AACS: variants seen among roughly 807,000 people sequenced by gnomAD.
AACS encodes acetoacetyl-CoA synthetase, also known as acetoacetate-CoA ligase.
AACS carries 69 observed loss-of-function variants against 83.1 expected under a neutral mutation model. The observed-to-expected ratio is 0.83, with a 90% CI of 0.68 to 1.01. The LOEUF is 1.01. Ranked by LOEUF, AACS falls within the 50% of genes least tolerant of loss-of-function variation. The pLI, the probability that AACS is intolerant of heterozygous loss-of-function variation, is 0.00. For synonymous variants in AACS, 333 were observed against 343.4 expected, an observed-to-expected ratio of 0.97 and a Z score of 0.33; for missense variants, 866 against 882.2, an observed-to-expected ratio of 0.98 and a Z score of 0.23.
At chr12:125,083,024 T>C (rs1161873044) in intron 3 of AACS, among the ~76,000 whole-genome samples, 1 of 152,260 alleles carries the variant, frequency 6.6e-6, no homozygotes, top group East Asian at 1.9e-4. Flanking sequence ...TTCCATGTCA[T>C]AGATTTCCTG....
chr12:125,098,649 A>T (rs1956661397), intron 5 of AACS, among the ~76,000 whole-genome samples: 1 of 152,050 alleles, frequency 6.6e-6, no homozygotes, highest in South Asian at 2.1e-4. Flanking sequence ...ATGGGGTTTC[A>T]CCATGTTGGC....
chr12:125,066,473 C>T (rs1955700610), intron 1 of AACS, among the ~76,000 whole-genome samples: 1 of 119,452 alleles, frequency 8.4e-6, no homozygotes. Context: ...TTTTTTGAGA[C>T]AGTTTCTCTC....
chr12:125,071,721 C>T (rs943951751), intron 1 of AACS, among the ~76,000 whole-genome samples: 5 of 152,140 alleles, frequency 3.3e-5, no homozygotes, highest in South Asian at 2.1e-4. Context: ...CACCTGAAGT[C>T]GGCCGCTTTT....
rs1035125715 is a variant in AACS, at chr12:125,130,301, C to T, written c.1549+841C>T. ...CTGGAATAGTGCCTTCCTGCAGCAG[C>T]GTGGGGCATCCCCCCAGGGGTGGCT... On this transcript the variant is annotated intron_variant, in intron 14 of 17. Coordinates refer to ENST00000316519, the MANE Select transcript of AACS (RefSeq NM_023928.5). The surrounding 1 kb of genome is among the most constrained non-coding windows in gnomAD (Gnocchi z 4.9). Among the ~76,000 whole-genome samples the T allele has an allele frequency of 6.6e-6, 1 of 152,248 alleles. No homozygotes were observed. The highest frequency in any genetic ancestry group is 2.4e-5 in the African/African-American group (1 of 41,468).
At chr12:125,069,414 G>T (rs1327825641) in intron 1 of AACS, among the ~76,000 whole-genome samples, 1 of 152,226 alleles carries the variant, frequency 6.6e-6, no homozygotes, top group African/African-American at 2.4e-5. Context: ...CATTTTGGGA[G>T]GCTCTGGTAG....
intron 8 of AACS, among the ~76,000 whole-genome samples, chr12:125,107,959 T>C (rs901513355): frequency 6.6e-6 from 1 of 151,994 alleles, no homozygotes; most frequent in Non-Finnish European, 1.5e-5. Context: ...AGACTCTGTC[T>C]CAAAAAATAA....
At chr12:125,102,868 A>G (rs2136093174) in intron 6 of AACS, 75 bp downstream of exon 6, 1 of 1,478,360 alleles carries the variant, frequency 6.8e-7, no homozygotes, top group Non-Finnish European at 9.4e-7. Flanking sequence ...CCAGGAGTCA[A>G]TCTGGGTAGT....
intron 3 of AACS, among the ~76,000 whole-genome samples, chr12:125,084,666 C>A (rs1389044141): frequency 6.6e-6 from 1 of 151,900 alleles, no homozygotes; most frequent in Non-Finnish European, 1.5e-5. Context: ...GCAGCCTCAA[C>A]CTCCTGAGCT....
At chr12:125,141,872 G>A (rs1957501000) in intron 17 of AACS, among the ~76,000 whole-genome samples, 1 of 152,028 alleles carries the variant, frequency 6.6e-6, no homozygotes, top group Non-Finnish European at 1.5e-5. Flanking sequence ...CCTTTCAGAA[G>A]AACAGGTTTT....
chr12:125,115,902 C>T (rs547759791), intron 9 of AACS, among the ~76,000 whole-genome samples: 7 of 151,892 alleles, frequency 4.6e-5, no homozygotes, highest in Non-Finnish European at 7.4e-5. Context: ...CACATACACC[C>T]GTGCAGGGGA....
rs985392795 is a variant in AACS at position 125,118,868 on chromosome 12, C to T, written c.1121+103C>T. 8.1e-6 allele frequency: 12 copies of T among 1,479,628 alleles called. No individual in the cohort carries two copies. In the East Asian group the frequency reaches 1.5e-4, roughly 18 times the overall value. The allele number at this position is 1,479,628 out of a possible 1,614,324, so 91.7% of individuals were successfully genotyped here. A position where few individuals can be genotyped will look rare whatever the true frequency, so the allele number is the denominator to read the frequency against. On this transcript the variant is annotated intron_variant, in intron 10 of 17. Coordinates refer to ENST00000316519, the MANE Select transcript of AACS (RefSeq NM_023928.5). ...TGCCTGCCTTCTACCGTGGTCGGGG[C>T]GTCTCCAGCATGCTCTGCCTTTGTG...
intron 10 of AACS, chr12:125,121,591 A>C (rs1454343176): frequency 2.6e-5 from 4 of 152,266 alleles, no homozygotes; most frequent in Non-Finnish European, 5.9e-5. Context: ...TTTCTTCTTC[A>C]CAGGGGTGTG....
At chr12:125,090,602 A>G (rs563731938) in intron 4 of AACS, among the ~76,000 whole-genome samples, 14 of 151,662 alleles carry the variant, frequency 9.2e-5, no homozygotes, top group Non-Finnish European at 1.9e-4. Flanking sequence ...ATCCGTCTAT[A>G]CATTCTTCTC....
At chr12:125,103,871 C>T (rs1956772663) in intron 7 of AACS, among the ~76,000 whole-genome samples, 2 of 151,116 alleles carry the variant, frequency 1.3e-5, no homozygotes, top group African/African-American at 4.9e-5. Context: ...ACCTGTAGTC[C>T]CAGCTACTCG....
intron 1 of AACS, among the ~76,000 whole-genome samples, chr12:125,069,153 A>G (rs1955789850): frequency 6.6e-6 from 1 of 152,080 alleles, no homozygotes; most frequent in Non-Finnish European, 1.5e-5. Context: ...GAGCATTCTT[A>G]TTGCTTAAAG....
intron 17 of AACS, among the ~76,000 whole-genome samples, chr12:125,138,007 C>G (rs1957423902): frequency 6.6e-6 from 1 of 152,208 alleles, no homozygotes; most frequent in African/African-American, 2.4e-5. Flanking sequence ...AGATCATTCT[C>G]TTTGCCTTAA....
At position 125,136,529 on chromosome 12, in the gene AACS, T is replaced by C; in HGVS notation, c.1679-133T>C. On this transcript the variant is annotated intron_variant, in intron 16 of 17. Transcript: ENST00000316519. ...TCCAAGGCCCTTCTCCTGGGTGGACTGGGAGAACACAGGCACCGCTGGAAG... is the reference window on the plus strand; with the variant it reads ...TCCAAGGCCCTTCTCCTGGGTGGACCGGGAGAACACAGGCACCGCTGGAAG... 5 of 663,478 alleles carry C rather than the reference T, an allele frequency of 7.5e-6. No individual in the cohort carries two copies. The East Asian group carries it at 1.4e-4, about 18-fold the overall frequency. 41.1% of individuals were successfully genotyped at this position (663,478 alleles called of 1,614,324 possible).
In AACS at chr12:125,129,680, G is replaced by A. The variant is rs1330487976; in HGVS notation, c.1549+220G>A. Among the ~76,000 whole-genome samples the A allele has an allele frequency of 6.6e-6, 1 of 152,196 alleles. No homozygotes were observed. Among genetic ancestry groups the A allele is most frequent in the African/African-American group, 2.4e-5 (1 of 41,456 alleles). On this transcript the variant is annotated intron_variant, in intron 14 of 17. Transcript: ENST00000316519. This position sits in a 1 kb window ranked among gnomAD's most constrained non-coding sequence, Gnocchi z 4.3. Reference sequence around the variant, plus strand: ...TCGTGTGCAACTGCAATCTGGTTTAGTTGAATCTCAGCCACCTCTGCCCAG... The same window carrying A: ...TCGTGTGCAACTGCAATCTGGTTTAATTGAATCTCAGCCACCTCTGCCCAG...
At chr12:125,106,326 C>T (rs1956833579) in intron 7 of AACS, among the ~76,000 whole-genome samples, 1 of 152,206 alleles carries the variant, frequency 6.6e-6, no homozygotes, top group African/African-American at 2.4e-5. Flanking sequence ...GAAAACAAAT[C>T]TCCTGTTTGT....
Sources: gnomAD v4.1 joint callset for allele counts (sites outside exome capture counted in the v4.1 genomes callset) on GRCh38, gnomAD v4.1.1 for gene constraint, Gnocchi (gnomAD v3.1) non-coding constraint, MANE v1.5 for transcripts, NCBI Gene and HGNC (gene_info 2026-07-23, HGNC 2026-07-21) for gene names.